The following RNF43 variants were observed in gnomAD, a reference collection of about 807,000 sequenced individuals.
The protein encoded by RNF43 is ring finger protein 43, also known as E3 ubiquitin-protein ligase RNF43.
In RNF43, 37 loss-of-function variants were observed where a neutral mutation model predicts 78.4. The ratio of observed to expected loss-of-function variants is 0.47; its 90% CI spans 0.36 to 0.62. The LOEUF (loss-of-function observed/expected upper bound fraction) is 0.62. Ranked by LOEUF, RNF43 falls within the 20% of genes least tolerant of loss-of-function variation. The pLI, the probability that RNF43 is intolerant of heterozygous loss-of-function variation, is 0.00. For synonymous variants in RNF43, 347 were observed against 395.0 expected (o/e 0.88, Z 1.44); for missense variants, 774 against 1,007.9 (o/e 0.77, Z 3.14).
In RNF43 at chr17:58,357,204, C is replaced by T. The variant is rs1972702670; in HGVS notation, c.2308+264G>A. The T allele has an allele frequency of 1.4e-6, 1 of 705,356 alleles. No individual in the cohort carries two copies. The highest frequency in any genetic ancestry group is 2.6e-6 in the Non-Finnish European group (1 of 387,628). 43.7% of individuals were successfully genotyped at this position (705,356 alleles called of 1,614,324 possible). A position where few individuals can be genotyped will look rare whatever the true frequency, so the allele number is the denominator to read the frequency against. On this transcript the variant is annotated intron_variant, in intron 9 of 9. Transcript: ENST00000407977. The surrounding 1 kb of genome is among the most constrained non-coding windows in gnomAD (Gnocchi z 4.5). ...CCATCACACCCGGCCTTCCAAGTGC[C>T]TTTCTGATGCCTCAGCCACACCAGC... is the stretch of plus-strand genomic sequence containing the variant.
At chr17:58,366,149 G>A (rs1427438718) in intron 3 of RNF43, among the ~76,000 whole-genome samples, 1 of 152,170 alleles carries the variant, frequency 6.6e-6, no homozygotes, top group Non-Finnish European at 1.5e-5. Flanking sequence ...AAGCTATAAC[G>A]CTGATAATAT....
chr17:58,360,980 G>C lies in RNF43; in HGVS notation c.688-36C>G, dbSNP rs1014607065. On this transcript the variant is annotated intron_variant, in intron 6 of 9. Transcript: ENST00000407977. This position sits in a 1 kb window ranked among gnomAD's most constrained non-coding sequence, Gnocchi z 4.3. ...GAATGGGGCTCAGATTGGGGCATGG[G>C]CTCCCCTTCCCTCCCTCTCTGGACC... The C allele has an allele frequency of 2.0e-6, 3 of 1,505,646 alleles. No homozygotes were observed. In the South Asian group the frequency reaches 4.0e-5, roughly 20 times the overall value. The allele number at this position is 1,505,646 out of a possible 1,614,324, so 93.3% of individuals were successfully genotyped here. A position where few individuals can be genotyped will look rare whatever the true frequency, so the allele number is the denominator to read the frequency against.
intron 2 of RNF43, among the ~76,000 whole-genome samples, chr17:58,398,332 A>G (rs1973726514): frequency 6.6e-6 from 1 of 152,236 alleles, no homozygotes; most frequent in South Asian, 2.1e-4. Flanking sequence ...ATGAAATAAT[A>G]TAAGAGACTG....
At chr17:58,393,189 C>T (rs1054925001) in intron 2 of RNF43, among the ~76,000 whole-genome samples, 2 of 152,098 alleles carry the variant, frequency 1.3e-5, no homozygotes, top group African/African-American at 2.4e-5. Flanking sequence ...GGGTGGATCA[C>T]CTGAGGTCAG....
Position 58,357,973 on chromosome 17 carries a change from G to C in RNF43, c.1803C>G (p.Ser601=), listed in dbSNP as rs766086514. Residue 601 remains serine (S), a synonymous_variant, in exon 9 of 10, where the codon TCC becomes TCG. Transcript: ENST00000407977. The surrounding 1 kb of genome is among the most constrained non-coding windows in gnomAD (Gnocchi z 4.5). ...GCCGCCCCGAAGGGGCTGCTGAGTT[G>C]GATCTGGTGACTTGCTGATCAGGAG... ...PPSPDQQVTR[S]NSAAPSGRLS... is the part of the protein sequence containing the mutation. The C allele has an allele frequency of 6.2e-7, 1 of 1,609,838 alleles. No homozygotes were observed. The highest frequency in any genetic ancestry group is 1.1e-5 in the South Asian group (1 of 90,466).
intron 2 of RNF43, among the ~76,000 whole-genome samples, chr17:58,413,490 T>A (rs1974064408): frequency 1.3e-5 from 2 of 152,138 alleles, no homozygotes; most frequent in African/African-American, 2.4e-5. Flanking sequence ...CATAAAACTA[T>A]CCACTGTAAA....
intron 3 of RNF43, among the ~76,000 whole-genome samples, chr17:58,369,190 A>G (rs1973028046): frequency 6.6e-6 from 1 of 152,328 alleles, no homozygotes; most frequent in African/African-American, 2.4e-5. Flanking sequence ...TTTTGTAAGG[A>G]AAGAGAAATG....
chr17:58,403,735 A>C (rs1973851935), intron 2 of RNF43, among the ~76,000 whole-genome samples: 1 of 152,180 alleles, frequency 6.6e-6, no homozygotes, highest in African/African-American at 2.4e-5. Flanking sequence ...AGATGCTTAC[A>C]TACTAGAGCT....
At chr17:58,363,254 C>G (rs1972878212) in intron 5 of RNF43, 21 bp downstream of exon 5, 1 of 1,611,590 alleles carries the variant, frequency 6.2e-7, no homozygotes, top group Non-Finnish European at 8.5e-7. Context: ...AGGGCAAGGT[C>G]TGGAGGTCTA....
intron 2 of RNF43, among the ~76,000 whole-genome samples, chr17:58,377,937 CA>C (rs1256870400): frequency 6.6e-6 from 1 of 152,048 alleles, no homozygotes; most frequent in Non-Finnish European, 1.5e-5. Context: ...ACACCGGCAT[CA>C]TAAAGTAAAG....
At chr17:58,402,040 T>G (rs1232769005) in intron 2 of RNF43, among the ~76,000 whole-genome samples, 2 of 152,210 alleles carry the variant, frequency 1.3e-5, no homozygotes. Context: ...TACAGCATGT[T>G]TGTTCAGAAC....
chr17:58,411,357 G>T (rs1345234151), intron 2 of RNF43, among the ~76,000 whole-genome samples: 3 of 152,088 alleles, frequency 2.0e-5, no homozygotes, highest in Non-Finnish European at 4.4e-5. Flanking sequence ...ACTATAGTTT[G>T]CAATATAGGA....
rs1419181011 is a variant in RNF43 at position 58,415,720 on chromosome 17, T to C, written c.-143A>G. ...AAAGCCAAGTCGTAGTTTTGGCCCTTCCTTTCTCTAAAGTTTATTCCCAAA... is the reference window on the plus strand; with the variant it reads ...AAAGCCAAGTCGTAGTTTTGGCCCTCCCTTTCTCTAAAGTTTATTCCCAAA... On this transcript the variant is annotated 5_prime_UTR_variant, in exon 2 of 10. Coordinates refer to ENST00000407977, the MANE Select transcript of RNF43 (RefSeq NM_017763.6). 1.1e-6 allele frequency: 1 copy of C among 939,378 alleles called. No individual in the cohort carries two copies. Among genetic ancestry groups the C allele is most frequent in the Non-Finnish European group, 1.6e-6 (1 of 642,520 alleles). 58.2% of individuals were successfully genotyped at this position (939,378 alleles called of 1,614,324 possible). A position where few individuals can be genotyped will look rare whatever the true frequency, so the allele number is the denominator to read the frequency against.
Position 58,385,956 on chromosome 17 carries a change from A to G in RNF43, c.253-14923T>C, listed in dbSNP as rs957089471. 2.0e-5 allele frequency among the ~76,000 whole-genome samples: 3 copies of G among 152,094 alleles called. No individual in the cohort carries two copies. In the East Asian group the frequency reaches 5.8e-4, roughly 29 times the overall value. Reference sequence around the variant, plus strand: ...ACCCCATCTCTATGAAAAATTTTTTAAAAATTAGCTGGGCACACTAGCACA... The same window carrying G: ...ACCCCATCTCTATGAAAAATTTTTTGAAAATTAGCTGGGCACACTAGCACA... On this transcript the variant is annotated intron_variant, in intron 2 of 9. Coordinates refer to ENST00000407977, the MANE Select transcript of RNF43 (RefSeq NM_017763.6).
chr17:58,383,190 G>A (rs1973358558), intron 2 of RNF43, among the ~76,000 whole-genome samples: 1 of 152,162 alleles, frequency 6.6e-6, no homozygotes, highest in Non-Finnish European at 1.5e-5. Context: ...TTTTCTGAGT[G>A]GGTTTTTCTT....
chr17:58,379,144 C>A (rs1011893463), intron 2 of RNF43, among the ~76,000 whole-genome samples: 11 of 152,146 alleles, frequency 7.2e-5, no homozygotes, highest in Admixed American at 5.2e-4. Flanking sequence ...GGTATGCACG[C>A]TGGGGAGGCT....
intron 5 of RNF43, 155 bp downstream of exon 5, chr17:58,363,120 A>T: frequency 1.1e-6 from 1 of 894,264 alleles, no homozygotes; most frequent in Non-Finnish European, 1.7e-6. Context: ...ACGGGGGAAA[A>T]CTTGCCCAGA....
chr17:58,354,851 G>A lies in RNF43; in HGVS notation c.*92C>T, dbSNP rs1276589531. 1.8e-6 allele frequency: 2 copies of A among 1,123,634 alleles called. No individual in the cohort carries two copies. Among genetic ancestry groups the A allele is most frequent in the Non-Finnish European group, 2.7e-6 (2 of 735,002 alleles). 69.6% of individuals were successfully genotyped at this position (1,123,634 alleles called of 1,614,324 possible). On this transcript the variant is annotated 3_prime_UTR_variant, in exon 10 of 10. Transcript: ENST00000407977. ...CGGCAAAAAGAATGGTGTTTGCTGT[G>A]GTCCTTTCCTTTCCCAGGAGCAGGA...
rs936439517 is a variant in RNF43, at chr17:58,417,440, A to G, written c.-809T>C. On this transcript the variant is annotated 5_prime_UTR_variant, in exon 1 of 10. Coordinates refer to ENST00000407977, the MANE Select transcript of RNF43 (RefSeq NM_017763.6). ...CAGAAACACATAAAATCCCAGAGAG[A>G]GAGAAGGCAGTATCTCTGAATCATG... The G allele has an allele frequency of 5.9e-5, 9 of 152,272 alleles. No individual in the cohort carries two copies. The highest frequency in any genetic ancestry group is 2.2e-4 in the African/African-American group (9 of 41,472). 9.4% of individuals were successfully genotyped at this position (152,272 alleles called of 1,614,324 possible).
Sources: gnomAD v4.1 joint callset for allele counts (sites outside exome capture counted in the v4.1 genomes callset) on GRCh38, gnomAD v4.1.1 for gene constraint, Gnocchi (gnomAD v3.1) non-coding constraint, MANE v1.5 for transcripts, NCBI Gene and HGNC (gene_info 2026-07-23, HGNC 2026-07-21) for gene names.